Variants in CNTNAP3B observed in about 807,000 individuals in gnomAD.
CNTNAP3B encodes contactin associated protein family member 3B, also known as contactin-associated protein-like 3B.
In CNTNAP3B, 25 loss-of-function variants were observed where a neutral mutation model predicts 108.9. The ratio of observed to expected loss-of-function variants is 0.23; its 90% CI spans 0.17 to 0.32. The LOEUF is 0.32. CNTNAP3B is among the 10% of genes least tolerant of loss of function. The pLI, the probability that CNTNAP3B is intolerant of heterozygous loss-of-function variation, is 1.00. For missense variants in CNTNAP3B, 252 were observed against 1,210.4 expected, an observed-to-expected ratio of 0.21 and a Z score of 11.75; for synonymous variants, 103 against 473.4, an observed-to-expected ratio of 0.22 and a Z score of 10.16.
chr9:41,943,042 T>A lies in CNTNAP3B; in HGVS notation c.2081-4642A>T, dbSNP rs200854585. On this transcript the variant is annotated intron_variant, in intron 13 of 23. Coordinates refer to ENST00000377561, the MANE Select transcript of CNTNAP3B (RefSeq NM_001201380.3). ...TGCAGTTATGACAGATTTGGAAATATCAGATAAGGAATTTGAAATAATAAT... is the reference window on the plus strand; with the variant it reads ...TGCAGTTATGACAGATTTGGAAATAACAGATAAGGAATTTGAAATAATAAT... 4.8e-3 allele frequency among the ~76,000 whole-genome samples: 735 copies of A among 152,072 alleles called. 1 individual carries two copies. The highest frequency in any genetic ancestry group is 0.016 in the African/African-American group (664 of 41,318).
intron 2 of CNTNAP3B, among the ~76,000 whole-genome samples, chr9:42,086,417 C>A (rs1273190910): frequency 7.2e-6 from 1 of 139,054 alleles, no homozygotes; most frequent in African/African-American, 2.8e-5. Flanking sequence ...ACATTTTTTA[C>A]ATTTTTGCAT....
intron 1 of CNTNAP3B, among the ~76,000 whole-genome samples, chr9:42,116,711 TAA>T (rs1333024749): frequency 7.2e-6 from 1 of 139,624 alleles, no homozygotes; most frequent in African/African-American, 2.8e-5. Flanking sequence ...ATCCTCCAAT[TAA>T]AAGACACAGA....
At chr9:41,944,611 AG>A (rs1380619524) in intron 13 of CNTNAP3B, among the ~76,000 whole-genome samples, 1 of 152,058 alleles carries the variant, frequency 6.6e-6, no homozygotes, top group African/African-American at 2.4e-5. Context: ...AAAATGTGAG[AG>A]GGGAATTCAG....
intron 3 of CNTNAP3B, among the ~76,000 whole-genome samples, chr9:42,047,153 G>A (rs1436122433): frequency 1.1e-5 from 1 of 87,082 alleles, no homozygotes; most frequent in Non-Finnish European, 2.2e-5. Flanking sequence ...ATGTGGGCAC[G>A]GTGAGTCCCT....
At chr9:41,943,912 C>G (rs1263483343) in intron 13 of CNTNAP3B, among the ~76,000 whole-genome samples, 2 of 152,246 alleles carry the variant, frequency 1.3e-5, no homozygotes, top group Non-Finnish European at 2.9e-5. Context: ...AAAATAAAAT[C>G]TTTTAAAAAT....
intron 11 of CNTNAP3B, among the ~76,000 whole-genome samples, chr9:41,962,761 C>G (rs1825140282): frequency 6.6e-6 from 1 of 151,848 alleles, no homozygotes; most frequent in African/African-American, 2.4e-5. Flanking sequence ...CGAGACCATC[C>G]CGGCTAACAT....
intron 13 of CNTNAP3B, among the ~76,000 whole-genome samples, chr9:41,944,163 G>A (rs1824452229): frequency 6.7e-6 from 1 of 148,656 alleles, no homozygotes; most frequent in Non-Finnish European, 1.5e-5. Flanking sequence ...TTCTCCAGTA[G>A]ACCTACCTTG....
At chr9:41,932,327 A>G (rs1824001558) in intron 14 of CNTNAP3B, among the ~76,000 whole-genome samples, 1 of 152,032 alleles carries the variant, frequency 6.6e-6, no homozygotes, top group Non-Finnish European at 1.5e-5. Flanking sequence ...ATTTTATTAA[A>G]ATTTTTATTT....
At chr9:42,113,043 C>A (rs1360096023) in intron 1 of CNTNAP3B, among the ~76,000 whole-genome samples, 1 of 134,094 alleles carries the variant, frequency 7.5e-6, no homozygotes, top group Non-Finnish European at 1.6e-5. Flanking sequence ...GCGTGAGCCA[C>A]CATGCCCGGT....
intron 13 of CNTNAP3B, 117 bp downstream of exon 13, chr9:41,953,066 C>T: frequency 8.2e-7 from 1 of 1,226,664 alleles, no homozygotes; most frequent in Non-Finnish European, 1.1e-6. Context: ...GCGGTCAGGG[C>T]TTTGAACTAA....
chr9:41,958,102 A>C (rs1310321809), intron 12 of CNTNAP3B, among the ~76,000 whole-genome samples: 1 of 152,256 alleles, frequency 6.6e-6, no homozygotes, highest in Non-Finnish European at 1.5e-5. Context: ...TTTTGCCTTG[A>C]ACTTTTTTCT....
chr9:41,952,666 A>G (rs1452204566), intron 13 of CNTNAP3B, among the ~76,000 whole-genome samples: 1 of 150,522 alleles, frequency 6.6e-6, no homozygotes, highest in Non-Finnish European at 1.5e-5. Flanking sequence ...AAAATGAGAC[A>G]CCCACTGACA....
At chr9:42,017,150 A>G (rs1458931388) in intron 3 of CNTNAP3B, among the ~76,000 whole-genome samples, 1 of 139,846 alleles carries the variant, frequency 7.2e-6, no homozygotes, top group Non-Finnish European at 1.5e-5. Flanking sequence ...AATATGTTTC[A>G]TAAATAACTT....
At chr9:41,924,347 G>C (rs1321362362) in intron 15 of CNTNAP3B, among the ~76,000 whole-genome samples, 2 of 152,310 alleles carry the variant, frequency 1.3e-5, no homozygotes, top group East Asian at 3.8e-4. Flanking sequence ...CCAGTCAGGG[G>C]ATCGCGCAGC....
intron 15 of CNTNAP3B, among the ~76,000 whole-genome samples, chr9:41,926,453 C>G (rs1485052184): frequency 2.0e-5 from 3 of 152,296 alleles, no homozygotes; most frequent in African/African-American, 7.2e-5. Context: ...TTTCTTTCTT[C>G]ATTAATCAAT....
chr9:41,954,827 G>A (rs1001074830), intron 12 of CNTNAP3B, among the ~76,000 whole-genome samples: 1 of 152,258 alleles, frequency 6.6e-6, no homozygotes, highest in Non-Finnish European at 1.5e-5. Context: ...GGGACTACAG[G>A]CACACACCAC....
intron 14 of CNTNAP3B, among the ~76,000 whole-genome samples, chr9:41,932,353 G>T (rs1464781692): frequency 1.3e-5 from 2 of 151,856 alleles, no homozygotes; most frequent in African/African-American, 4.8e-5. Context: ...AAATTCCTAC[G>T]GTTCTGGAAA....
chr9:41,963,144 A>G (rs1825158103), intron 11 of CNTNAP3B, among the ~76,000 whole-genome samples: 1 of 152,292 alleles, frequency 6.6e-6, no homozygotes, highest in African/African-American at 2.4e-5. Context: ...GCATGTATGA[A>G]GTGTGGTTTT....
Position 41,913,592 on chromosome 9 carries a change from T to C in CNTNAP3B, c.2996-4811A>G, listed in dbSNP as rs982126194. Among the ~76,000 whole-genome samples the C allele has an allele frequency of 5.4e-4, 76 of 140,912 alleles. 2 individuals are homozygous for C. The highest frequency in any genetic ancestry group is 2.0e-3 in the African/African-American group (73 of 35,788). The allele number at this position is 140,912 out of a possible 152,430, so 92.4% of individuals were successfully genotyped here. On this transcript the variant is annotated intron_variant, in intron 18 of 23. Transcript: ENST00000377561. Reference sequence around the variant, plus strand: ...AGTAGCATTAATTAAATTCACAATGTTGTGCAATTATCACCTCTTTTGATA... The same window carrying C: ...AGTAGCATTAATTAAATTCACAATGCTGTGCAATTATCACCTCTTTTGATA...
Sources: gnomAD v4.1 joint callset for allele counts (sites outside exome capture counted in the v4.1 genomes callset) on GRCh38, gnomAD v4.1.1 for gene constraint, MANE v1.5 for transcripts, NCBI Gene and HGNC (gene_info 2026-07-23, HGNC 2026-07-21) for gene names.